C8orf34: variants seen among roughly 807,000 people sequenced by gnomAD.
The protein encoded by C8orf34 is chromosome 8 open reading frame 34.
A neutral mutation model predicts 68.3 loss-of-function variants in C8orf34; 65 were observed. The ratio of observed to expected loss-of-function variants is 0.95; its 90% CI spans 0.78 to 1.17. C8orf34 has a LOEUF of 1.17. C8orf34 is among the 50% of genes most tolerant of loss of function. C8orf34 has a pLI of 0.00. For synonymous variants in C8orf34, 244 were observed against 241.2 expected (o/e 1.01, Z -0.11); for missense variants, 664 against 655.4 (o/e 1.01, Z -0.14).
At chr8:68,411,197 A>G (rs577084950) in intron 1 of C8orf34, among the ~76,000 whole-genome samples, 39 of 152,322 alleles carry the variant, frequency 2.6e-4, no homozygotes, top group Middle Eastern at 6.8e-3. Context: ...TCATTCCACT[A>G]TATTACATAA....
intron 5 of C8orf34, among the ~76,000 whole-genome samples, chr8:68,505,374 T>G (rs1813962849): frequency 6.6e-6 from 1 of 152,136 alleles, no homozygotes; most frequent in Non-Finnish European, 1.5e-5. Context: ...CAGTAGCTGG[T>G]GGGTTTGGTG....
At chr8:68,333,827 A>G (rs759957268) in intron 1 of C8orf34, among the ~76,000 whole-genome samples, 6 of 152,228 alleles carry the variant, frequency 3.9e-5, no homozygotes, top group Non-Finnish European at 8.8e-5. Context: ...TGGCCGCTTC[A>G]TGTCTTGTCA....
chr8:68,534,824 C>T (rs1023298125), intron 7 of C8orf34: 4 of 985,250 alleles, frequency 4.1e-6, no homozygotes, highest in Middle Eastern at 5.2e-4. Flanking sequence ...CTCAGCTGCC[C>T]TGACTGAAGG....
intron 7 of C8orf34, among the ~76,000 whole-genome samples, chr8:68,628,137 C>T (rs1016961283): frequency 1.3e-5 from 2 of 152,080 alleles, no homozygotes; most frequent in African/African-American, 4.8e-5. Flanking sequence ...TAAATTCCAC[C>T]AGACCCTCTT....
intron 1 of C8orf34, among the ~76,000 whole-genome samples, chr8:68,431,293 A>G (rs565136713): frequency 6.6e-6 from 1 of 152,320 alleles, no homozygotes; most frequent in South Asian, 2.1e-4. Flanking sequence ...TTTTTTATAA[A>G]TGATAAAAGG....
At chr8:68,743,718 G>A (rs1026559367) in intron 10 of C8orf34, among the ~76,000 whole-genome samples, 1 of 152,214 alleles carries the variant, frequency 6.6e-6, no homozygotes, top group African/African-American at 2.4e-5. Context: ...ACCCGCACCT[G>A]GCTCGGAGGG....
chr8:68,444,903 A>G (rs528520965), intron 2 of C8orf34, among the ~76,000 whole-genome samples: 5 of 152,230 alleles, frequency 3.3e-5, no homozygotes, highest in South Asian at 4.1e-4. Flanking sequence ...CCCATTACCT[A>G]TGTTGCATTA....
At chr8:68,393,875 C>T (rs1373383718) in intron 1 of C8orf34, among the ~76,000 whole-genome samples, 3 of 152,102 alleles carry the variant, frequency 2.0e-5, no homozygotes, top group African/African-American at 7.2e-5. Context: ...CGATAGTTAA[C>T]ACCTGTTAGC....
chr8:68,657,560 A>G (rs1819543240), intron 8 of C8orf34, among the ~76,000 whole-genome samples: 1 of 152,212 alleles, frequency 6.6e-6, no homozygotes, highest in Admixed American at 6.5e-5. Context: ...GTATTTTGTT[A>G]TAGGGCAGCC....
chr8:68,344,754 T>G (rs1806211073), intron 1 of C8orf34, among the ~76,000 whole-genome samples: 1 of 152,100 alleles, frequency 6.6e-6, no homozygotes, highest in Non-Finnish European at 1.5e-5. Flanking sequence ...GTAATTTGAA[T>G]ATACAGATAG....
At chr8:68,485,441 C>T (rs1813032686) in intron 4 of C8orf34, among the ~76,000 whole-genome samples, 1 of 152,006 alleles carries the variant, frequency 6.6e-6, no homozygotes, top group African/African-American at 2.4e-5. Context: ...GGGCCAGGTG[C>T]AGTGACTCAC....
chr8:68,438,359 G>A (rs936874678), intron 1 of C8orf34: 1 of 152,094 alleles, frequency 6.6e-6, no homozygotes, highest in African/African-American at 2.4e-5. Context: ...CTGAAGATTG[G>A]TTAGGGTAAC....
intron 6 of C8orf34, chr8:68,525,406 C>T (rs1043504308): frequency 5.3e-6 from 2 of 377,430 alleles, no homozygotes; most frequent in Non-Finnish European, 9.4e-6. Flanking sequence ...AAAAATTATA[C>T]CTCATAACTT....
intron 9 of C8orf34, among the ~76,000 whole-genome samples, chr8:68,716,340 C>A (rs971543463): frequency 1.3e-5 from 2 of 151,920 alleles, no homozygotes; most frequent in East Asian, 3.9e-4. Context: ...AAAACAGATG[C>A]CCAAAGAAAA....
intron 10 of C8orf34, among the ~76,000 whole-genome samples, chr8:68,743,709 C>G (rs1287323068): frequency 6.6e-6 from 1 of 152,244 alleles, no homozygotes; most frequent in Non-Finnish European, 1.5e-5. Flanking sequence ...GAGATTAAAA[C>G]CCGCACCTGG....
intron 12 of C8orf34, among the ~76,000 whole-genome samples, chr8:68,794,266 G>T (rs1298883543): frequency 6.6e-6 from 1 of 151,148 alleles, no homozygotes; most frequent in African/African-American, 2.4e-5. Flanking sequence ...CTGCCTCCAG[G>T]GCTCAAGCGA....
intron 10 of C8orf34, among the ~76,000 whole-genome samples, chr8:68,737,995 A>C (rs1206256579): frequency 6.6e-6 from 1 of 152,166 alleles, no homozygotes; most frequent in African/African-American, 2.4e-5. Context: ...GCCACATGGC[A>C]CATACTTTAA....
chr8:68,335,012 T>C (rs1000448620), intron 1 of C8orf34, among the ~76,000 whole-genome samples: 6 of 152,162 alleles, frequency 3.9e-5, no homozygotes, highest in Admixed American at 3.9e-4. Flanking sequence ...CCTGATCATA[T>C]CTAAAAAATG....
At chr8:68,587,821 T>A (rs1817253138) in intron 7 of C8orf34, among the ~76,000 whole-genome samples, 1 of 151,954 alleles carries the variant, frequency 6.6e-6, no homozygotes, top group African/African-American at 2.4e-5. Flanking sequence ...CATGGCTGTT[T>A]AAATAGGAGA....
Sources: gnomAD v4.1 joint callset for allele counts (sites outside exome capture counted in the v4.1 genomes callset) on GRCh38, gnomAD v4.1.1 for gene constraint, MANE v1.5 for transcripts, NCBI Gene and HGNC (gene_info 2026-07-23, HGNC 2026-07-21) for gene names.